Variants in NOTCH1 observed in about 807,000 individuals in gnomAD.
NOTCH1 encodes the protein notch receptor 1.
In NOTCH1, 37 loss-of-function variants were observed where a neutral mutation model predicts 254.8. The observed-to-expected ratio is 0.15, with a 90% CI of 0.11 to 0.19. NOTCH1 has a LOEUF of 0.19. Ranked by LOEUF, NOTCH1 falls within the 10% of genes least tolerant of loss-of-function variation. The pLI is 1.00. For missense variants in NOTCH1, 2,972 were observed against 3,708.6 expected, an observed-to-expected ratio of 0.80 and a Z score of 5.16; for synonymous variants, 1,731 against 1,618.1, an observed-to-expected ratio of 1.07 and a Z score of -1.68.
At position 136,510,369 on chromosome 9, in the gene NOTCH1, CG is replaced by C. The variant is rs368522074; in HGVS notation, c.2740+283del. On this transcript the variant is annotated intron_variant, in intron 17 of 33. Coordinates refer to ENST00000651671, the MANE Select transcript of NOTCH1 (RefSeq NM_017617.5). ...CTGCAGCGGGGCCCGATGAGCCAGGCGGGAGTGCAGGCCGGGCCCGAGCCAT... is the reference window on the plus strand; with the variant it reads ...CTGCAGCGGGGCCCGATGAGCCAGGCGGAGTGCAGGCCGGGCCCGAGCCAT... 350 of 579,806 alleles carry C rather than the reference CG, an allele frequency of 6.0e-4. 1 individual carries two copies. Among genetic ancestry groups the C allele is most frequent in the African/African-American group, 6.0e-3 (323 of 53,512 alleles). The allele number at this position is 579,806 out of a possible 1,614,324, so 35.9% of individuals were successfully genotyped here.
In NOTCH1 at chr9:136,523,819, G is replaced by T. The variant is rs746491686; in HGVS notation, c.301C>A (p.Pro101Thr). The T allele has an allele frequency of 6.2e-7, 1 of 1,611,842 alleles. No homozygotes were observed. The highest frequency in any genetic ancestry group is 1.7e-5 in the Admixed American group (1 of 59,904). Residue 101 changes from proline (P) to threonine (T), a missense_variant, in exon 3 of 34, where the codon CCC becomes ACC. By Grantham distance (38) the Pro-to-Thr change is conservative. This residue lies in a region of NOTCH1 where 374 missense variants were observed against 496.3 expected (regional missense o/e 0.75). Transcript: ENST00000651671. ...LGFSGPLCLT[P>T]LDNACLTNPC... Reference sequence around the variant, plus strand: ...TTGGTGAGGCAGGCATTGTCCAGGGGTGTCAGGCAGAGGGGCCCAGAGAAG... The same window carrying T: ...TTGGTGAGGCAGGCATTGTCCAGGGTTGTCAGGCAGAGGGGCCCAGAGAAG...
rs772961396 is a variant in NOTCH1, at chr9:136,512,212, C to T, written c.2467+809G>A. Among the ~76,000 whole-genome samples the T allele has an allele frequency of 4.4e-4, 67 of 152,352 alleles. 1 individual carries two copies. Among genetic ancestry groups the T allele is most frequent in the Admixed American group, 2.0e-3 (30 of 15,312 alleles). ...TGGAGGGAGGGTCCTCACTGACTGA[C>T]ACAGGAGAGAAAACCCAGGTCCTTA... is the stretch of plus-strand genomic sequence containing the variant. On this transcript the variant is annotated intron_variant, in intron 15 of 33. Transcript: ENST00000651671.
intron 3 of NOTCH1, 33 bp downstream of exon 3, chr9:136,523,684 T>C (rs746630292): frequency 6.3e-7 from 1 of 1,578,882 alleles, no homozygotes; most frequent in Non-Finnish European, 8.6e-7. Context: ...GGCCTGGGTC[T>C]GCCCACCCCT....
chr9:136,496,628 T>G lies in NOTCH1; in HGVS notation c.7111A>C (p.Thr2371Pro), dbSNP rs2133316284. The change falls in exon 34 of 34, where the codon ACC becomes CCC. Residue 2371 changes from threonine to proline, a missense_variant. By Grantham distance (38) the Thr-to-Pro change is conservative. Coordinates refer to ENST00000651671, the MANE Select transcript of NOTCH1 (RefSeq NM_017617.5). ...QMMSYQGLPS[T>P]RLATQPHLVQ... ...AGGTGAGGCTGGGTGGCCAGCCGGG[T>G]GCTGGGCAGGCCCTGGTAGCTCATC... 4 of 1,612,990 alleles carry G rather than the reference T, an allele frequency of 2.5e-6. No individual in the cohort carries two copies. Among genetic ancestry groups the G allele is most frequent in the Non-Finnish European group, 3.4e-6 (4 of 1,179,964 alleles).
chr9:136,504,601 G>C (rs909993417), intron 26 of NOTCH1, 72 bp downstream of exon 26: 13 of 1,409,072 alleles, frequency 9.2e-6, no homozygotes, highest in Non-Finnish European at 1.2e-5. Flanking sequence ...CCGGCCGTGA[G>C]GGGCAGGGAG....
At chr9:136,528,863 CA>C (rs1843515773) in intron 2 of NOTCH1, among the ~76,000 whole-genome samples, 1 of 152,170 alleles carries the variant, frequency 6.6e-6, no homozygotes, top group South Asian at 2.1e-4. Flanking sequence ...ACACCCCCAA[CA>C]GCTGCTGCTC....
rs1842933273 is a variant in NOTCH1, at chr9:136,497,340, G to A, written c.6399C>T (p.Pro2133=). 1.2e-6 allele frequency: 2 copies of A among 1,606,150 alleles called. No individual in the cohort carries two copies. ...GCGAGCAGAGCGGGGGCGACAGGGT[G>A]GGCGTGCCCCCCAGCGGGGCTCCGT... The part of the protein sequence containing the change: ...QLHGAPLGGT[P]TLSPPLCSPN... Residue 2133 remains proline (P), a synonymous_variant, in exon 34 of 34, where the codon CCC becomes CCT. Transcript: ENST00000651671.
intron 4 of NOTCH1, among the ~76,000 whole-genome samples, chr9:136,522,303 C>T (rs1192751651): frequency 6.6e-6 from 1 of 152,172 alleles, no homozygotes; most frequent in African/African-American, 2.4e-5. Flanking sequence ...AAAACTCTTC[C>T]TTATTTTTAG....
chr9:136,502,508 G>A lies in NOTCH1; in HGVS notation c.5168-20C>T, dbSNP rs755553224. 6.8e-6 allele frequency: 10 copies of A among 1,478,752 alleles called. No homozygotes were observed. The South Asian group carries it at 1.0e-4, about 15-fold the overall frequency. The allele number at this position is 1,478,752 out of a possible 1,614,324, so 91.6% of individuals were successfully genotyped here. A position where few individuals can be genotyped will look rare whatever the true frequency, so the allele number is the denominator to read the frequency against. ...TCTCACCTGCGGGCACGGGGGCCAG[G>A]GGCAGGTGCCCGGACATCAGGCAGC... On this transcript the variant is annotated intron_variant, in intron 27 of 33. Coordinates refer to ENST00000651671, the MANE Select transcript of NOTCH1 (RefSeq NM_017617.5).
chr9:136,518,361 G>C, intron 6 of NOTCH1, 69 bp from the exon 7 acceptor site: 1 of 1,546,488 alleles, frequency 6.5e-7, no homozygotes, highest in Non-Finnish European at 8.7e-7. Flanking sequence ...CACGGCTGGG[G>C]TCCAACCCCA....
chr9:136,529,540 A>C (rs1236573286), intron 2 of NOTCH1, among the ~76,000 whole-genome samples: 2 of 152,108 alleles, frequency 1.3e-5, no homozygotes, highest in East Asian at 1.9e-4. Context: ...GGGATGGAGG[A>C]GGCTTGGGAA....
chr9:136,521,432 T>C (rs1279730587), intron 4 of NOTCH1, among the ~76,000 whole-genome samples: 1 of 151,916 alleles, frequency 6.6e-6, no homozygotes, highest in African/African-American at 2.4e-5. Flanking sequence ...CTGGCATCTC[T>C]GCCGCTGGGC....
intron 18 of NOTCH1, 130 bp from the exon 19 acceptor site, chr9:136,509,201 G>C: frequency 1.1e-6 from 1 of 932,674 alleles, no homozygotes; most frequent in Non-Finnish European, 1.6e-6. Context: ...CAGGCCCAGG[G>C]CAGCCTGGCT....
intron 3 of NOTCH1, 112 bp downstream of exon 3, chr9:136,523,605 T>G: frequency 7.2e-7 from 1 of 1,390,046 alleles, no homozygotes; most frequent in Non-Finnish European, 9.8e-7. Context: ...GGCTCCCAAT[T>G]ACTTCCGGGT....
Position 136,495,512 on chromosome 9 carries a change from T to C in NOTCH1, c.*559A>G. 2.5e-6 allele frequency: 1 copy of C among 399,620 alleles called. No homozygotes were observed. Among genetic ancestry groups the C allele is most frequent in the Non-Finnish European group, 4.4e-6 (1 of 226,694 alleles). 24.8% of individuals were successfully genotyped at this position (399,620 alleles called of 1,614,324 possible). The stretch of plus-strand genomic sequence containing the variant: ...TGCAAATTAATCCGCGTGCGGAAGG[T>C]GAGCCAGCTTTGCCTCCGTTTGCCT... On this transcript the variant is annotated 3_prime_UTR_variant, in exon 34 of 34. Coordinates refer to ENST00000651671, the MANE Select transcript of NOTCH1 (RefSeq NM_017617.5).
At chr9:136,526,242 C>T (rs1019916808) in intron 2 of NOTCH1, among the ~76,000 whole-genome samples, 1 of 152,264 alleles carries the variant, frequency 6.6e-6, no homozygotes, top group African/African-American at 2.4e-5. Flanking sequence ...ACAGGCTGGG[C>T]TGGGCTGGGC....
In NOTCH1 at chr9:136,501,985, G is replaced by A. The variant is rs531223178; in HGVS notation, c.5472+16C>T. On this transcript the variant is annotated intron_variant, in intron 29 of 33. Coordinates refer to ENST00000651671, the MANE Select transcript of NOTCH1 (RefSeq NM_017617.5). ...GGTGCCCGGGAGCCCAGGAGCCCGGGAGCCTCGCGACTCACCCGGAACTTC... is the reference window on the plus strand; with the variant it reads ...GGTGCCCGGGAGCCCAGGAGCCCGGAAGCCTCGCGACTCACCCGGAACTTC... 14 of 1,612,406 alleles carry A rather than the reference G, an allele frequency of 8.7e-6. No individual in the cohort carries two copies. The South Asian group carries it at 9.9e-5, about 11-fold the overall frequency.
At chr9:136,537,022 G>A (rs1264035642) in intron 2 of NOTCH1, among the ~76,000 whole-genome samples, 2 of 152,252 alleles carry the variant, frequency 1.3e-5, no homozygotes, top group Non-Finnish European at 2.9e-5. Context: ...TTGTGAGCCT[G>A]TCTCGGAGTC....
rs1297107598 is a variant in NOTCH1 at position 136,506,652 on chromosome 9, G to A, written c.3902-13C>T. 4 of 1,601,646 alleles carry A rather than the reference G, an allele frequency of 2.5e-6. No individual in the cohort carries two copies. Among genetic ancestry groups the A allele is most frequent in the Non-Finnish European group, 3.4e-6 (4 of 1,174,928 alleles). ...TCGCAGCGGCGCCCTAGGGGTAAGA[G>A]CAGGGCAGTGAGAGGCTCACCCTGC... On this transcript the variant is annotated splice_polypyrimidine_tract_variant and intron_variant, in intron 23 of 33. Transcript: ENST00000651671. The surrounding 1 kb of genome is among the most constrained non-coding windows in gnomAD (Gnocchi z 4.5).
Sources: gnomAD v4.1 joint callset for allele counts (sites outside exome capture counted in the v4.1 genomes callset) on GRCh38, gnomAD v4.1.1 for gene constraint, gnomAD v4.1.1 regional missense constraint, Gnocchi (gnomAD v3.1) non-coding constraint, MANE v1.5 for transcripts, NCBI Gene and HGNC (gene_info 2026-07-23, HGNC 2026-07-21) for gene names.